Variants in PPP1R9A observed in about 807,000 individuals in gnomAD.
PPP1R9A encodes the protein protein phosphatase 1 regulatory subunit 9A, also known as neurabin-1.
In PPP1R9A, 59 loss-of-function variants were observed where a neutral mutation model predicts 141.9. The ratio of observed to expected loss-of-function variants is 0.42; its 90% CI spans 0.34 to 0.52. The LOEUF is 0.52. PPP1R9A is among the 20% of genes least tolerant of loss of function. The pLI, the probability that PPP1R9A is intolerant of heterozygous loss-of-function variation, is 0.10. For synonymous variants in PPP1R9A, 500 were observed against 569.7 expected (o/e 0.88, Z 1.74); for missense variants, 1,444 against 1,611.9 (o/e 0.90, Z 1.78).
At chr7:95,132,823 C>A (rs1193782810) in intron 4 of PPP1R9A, among the ~76,000 whole-genome samples, 1 of 152,158 alleles carries the variant, frequency 6.6e-6, no homozygotes, top group East Asian at 1.9e-4. Flanking sequence ...GGCATCTAGA[C>A]AAGGGTAATG....
intron 2 of PPP1R9A, among the ~76,000 whole-genome samples, chr7:94,980,103 C>A (rs971395586): frequency 2.7e-5 from 4 of 149,532 alleles, no homozygotes; most frequent in African/African-American, 9.9e-5. Flanking sequence ...GGTGTCCAAT[C>A]TTTTGGCTTC....
rs535968529 is a variant in PPP1R9A, at chr7:95,295,239, A to G, written c.*4936A>G. On this transcript the variant is annotated 3_prime_UTR_variant, in exon 20 of 20. Coordinates refer to ENST00000433360, the MANE Select transcript of PPP1R9A (RefSeq NM_001166160.2). ...TTGCCACTTCTTGCGTTGTGTATAC[A>G]TTGAATGGCTCATAGATTTTAAGAG... The G allele has an allele frequency of 2.0e-5, 3 of 152,758 alleles. No homozygotes were observed. Among genetic ancestry groups the G allele is most frequent in the South Asian group, 2.1e-4 (1 of 4,828 alleles). 9.5% of individuals were successfully genotyped at this position (152,758 alleles called of 1,614,324 possible).
intron 8 of PPP1R9A, among the ~76,000 whole-genome samples, chr7:95,234,702 G>A (rs1796441303): frequency 6.6e-6 from 1 of 152,012 alleles, no homozygotes; most frequent in Non-Finnish European, 1.5e-5. Context: ...CCAAAAAAGA[G>A]CCCACATAGC....
intron 5 of PPP1R9A, 97 bp from the exon 6 acceptor site, chr7:95,198,252 C>T (rs1248023431): frequency 8.6e-5 from 100 of 1,161,962 alleles, no homozygotes; most frequent in Non-Finnish European, 1.0e-4. Flanking sequence ...TTTCTTGAGG[C>T]TTGATGGACC....
intron 2 of PPP1R9A, among the ~76,000 whole-genome samples, chr7:95,107,263 T>C (rs1244757959): frequency 6.6e-6 from 1 of 152,212 alleles, no homozygotes; most frequent in Non-Finnish European, 1.5e-5. Flanking sequence ...ATGCAATTGT[T>C]TGAGTTGATA....
chr7:95,052,110 G>A (rs536515281), intron 2 of PPP1R9A, among the ~76,000 whole-genome samples: 1 of 152,234 alleles, frequency 6.6e-6, no homozygotes, highest in East Asian at 1.9e-4. Context: ...AAAGTGCTGG[G>A]ATTATAGGCA....
chr7:95,022,751 C>T (rs1218813185), intron 2 of PPP1R9A, among the ~76,000 whole-genome samples: 1 of 151,928 alleles, frequency 6.6e-6, no homozygotes, highest in Non-Finnish European at 1.5e-5. Context: ...TGGTTTTTTT[C>T]ATTGGTTCTG....
chr7:95,205,762 A>G (rs900464750), intron 7 of PPP1R9A, among the ~76,000 whole-genome samples: 1 of 152,174 alleles, frequency 6.6e-6, no homozygotes, highest in Non-Finnish European at 1.5e-5. Flanking sequence ...GTGGTCTTTT[A>G]AAAGTGTGTC....
chr7:95,058,626 G>A (rs1563178053), intron 2 of PPP1R9A, among the ~76,000 whole-genome samples: 1 of 152,058 alleles, frequency 6.6e-6, no homozygotes, highest in South Asian at 2.1e-4. Context: ...GTTTCCAGAA[G>A]GAAATAGTCA....
At chr7:95,011,361 C>G (rs1046252248) in intron 2 of PPP1R9A, among the ~76,000 whole-genome samples, 1 of 152,094 alleles carries the variant, frequency 6.6e-6, no homozygotes, top group Non-Finnish European at 1.5e-5. Context: ...GTGCTCTGTT[C>G]TATGAGCTAC....
rs1563570468 is a variant in PPP1R9A, at chr7:95,288,704, G to A, written c.3898G>A (p.Gly1300Arg). The A allele has an allele frequency of 1.9e-6, 3 of 1,613,646 alleles. No homozygotes were observed. Among genetic ancestry groups the A allele is most frequent in the Non-Finnish European group, 2.5e-6 (3 of 1,179,874 alleles). The change falls in exon 19 of 20, where the codon GGA (glycine) becomes AGA (arginine). Residue 1300 changes from glycine (G) to arginine (R), a missense_variant. By Grantham distance (125) the Gly-to-Arg change is moderately radical. This residue lies in a region of PPP1R9A where 459 missense variants were observed against 513.8 expected (regional missense o/e 0.89). Coordinates refer to ENST00000433360, the MANE Select transcript of PPP1R9A (RefSeq NM_001166160.2). The part of the protein sequence containing the change: ...ITGEQLLQLD[G>R]NKLKALGMTA... Reference sequence around the variant, plus strand: ...TGGAGAACAGCTCCTGCAGTTGGATGGAAATAAACTTAAGGTAAAGAATTA... The same window carrying A: ...TGGAGAACAGCTCCTGCAGTTGGATAGAAATAAACTTAAGGTAAAGAATTA...
chr7:95,020,583 G>A (rs1370573366), intron 2 of PPP1R9A, among the ~76,000 whole-genome samples: 1 of 151,976 alleles, frequency 6.6e-6, no homozygotes, highest in African/African-American at 2.4e-5. Context: ...TCTACATTAG[G>A]TATTTCTCCT....
At chr7:94,958,730 A>AT (rs946470448) in intron 2 of PPP1R9A, among the ~76,000 whole-genome samples, 1 of 151,946 alleles carries the variant, frequency 6.6e-6, no homozygotes, top group Non-Finnish European at 1.5e-5. Context: ...TTATATATTT[A>AT]TTTTCATTCA....
intron 7 of PPP1R9A, among the ~76,000 whole-genome samples, chr7:95,225,695 C>T (rs1335259432): frequency 6.6e-6 from 1 of 152,076 alleles, no homozygotes; most frequent in Non-Finnish European, 1.5e-5. Flanking sequence ...TCAGAAAAAA[C>T]AACTCTTGTT....
chr7:95,221,399 C>A (rs962886567), intron 7 of PPP1R9A, among the ~76,000 whole-genome samples: 1 of 152,004 alleles, frequency 6.6e-6, no homozygotes, highest in Non-Finnish European at 1.5e-5. Context: ...TTTCATTGAT[C>A]CCCACTTAAC....
At chr7:94,939,817 TAC>T (rs4014722) in intron 2 of PPP1R9A, among the ~76,000 whole-genome samples, 7,620 of 145,072 alleles carry the variant, frequency 0.053, 418 homozygotes, top group African/African-American at 0.14. Flanking sequence ...TATATATGTG[TAC>T]ACACACACAC....
intron 2 of PPP1R9A, among the ~76,000 whole-genome samples, chr7:94,979,671 AT>A (rs1324142224): frequency 1.3e-5 from 2 of 152,124 alleles, no homozygotes; most frequent in African/African-American, 4.8e-5. Flanking sequence ...TTACCTCTTA[AT>A]TTTCTCCAGG....
chr7:95,176,669 T>TA (rs1031217671), intron 5 of PPP1R9A: 2 of 150,202 alleles, frequency 1.3e-5, no homozygotes, highest in African/African-American at 2.4e-5. Context: ...ATAGTATAAA[T>TA]AAAAAAACCC....
intron 2 of PPP1R9A, among the ~76,000 whole-genome samples, chr7:95,088,450 G>GA (rs903665363): frequency 6.6e-6 from 1 of 151,898 alleles, no homozygotes; most frequent in African/African-American, 2.4e-5. Flanking sequence ...ATGGCACTGG[G>GA]AAAACCACCA....
Sources: allele counts gnomAD v4.1 joint callset (sites outside exome capture counted in the v4.1 genomes callset), GRCh38; gene constraint gnomAD v4.1.1; regional missense constraint gnomAD v4.1.1; transcripts MANE v1.5; gene names NCBI Gene and HGNC (gene_info 2026-07-23, HGNC 2026-07-21).